NSFL1C: variants seen among roughly 807,000 people sequenced by gnomAD.
NSFL1C encodes the protein NSFL1 cofactor p47.
Under a neutral mutation model 43.1 loss-of-function variants are expected in NSFL1C, and 14 were observed. The observed-to-expected ratio is 0.32, with a 90% confidence interval of 0.21 to 0.51. The LOEUF (loss-of-function observed/expected upper bound fraction) is 0.51, where lower values mean the gene tolerates loss of function less well. NSFL1C is among the 20% of genes least tolerant of loss of function. The probability of loss-of-function intolerance (pLI) is 0.98; values close to 1 mark genes in which losing one functional copy is unlikely to be tolerated. For synonymous variants in NSFL1C, 171 were observed against 183.5 expected, an observed-to-expected ratio of 0.93 and a Z score of 0.55; for missense variants, 406 against 472.5, an observed-to-expected ratio of 0.86 and a Z score of 1.30.
chr20:1,443,794 C>T lies in NSFL1C; in HGVS notation c.1068G>A (p.Lys356=). The T allele has an allele frequency of 6.2e-7, 1 of 1,614,138 alleles. No individual in the cohort carries two copies. Among genetic ancestry groups the T allele is most frequent in the Non-Finnish European group, 8.5e-7 (1 of 1,180,028 alleles). The change falls in exon 9 of 9, where the codon AAG becomes AAA. Residue 356 remains lysine (K), a synonymous_variant. Coordinates refer to ENST00000216879, the MANE Select transcript of NSFL1C (RefSeq NM_016143.5). ...KELADESQTL[K]EANLLNAVIV... ...TGACAGCATTGAGCAGGTTGGCTTC[C>T]TTCAGGGTCTGGCTCTCATCAGCCA...
At chr20:1,449,247 T>C (rs1367587510) in intron 7 of NSFL1C, among the ~76,000 whole-genome samples, 2 of 152,004 alleles carry the variant, frequency 1.3e-5, no homozygotes, top group Non-Finnish European at 2.9e-5. Context: ...GACTAACTAA[T>C]TATATCATTC....
intron 6 of NSFL1C, among the ~76,000 whole-genome samples, 153 bp from the exon 7 acceptor site, chr20:1,452,783 A>G (rs766216277): frequency 2.9e-4 from 44 of 152,100 alleles, no homozygotes; most frequent in Non-Finnish European, 4.9e-4. Flanking sequence ...GTCTGCCTCC[A>G]CCTTTTCTCT....
intron 7 of NSFL1C, among the ~76,000 whole-genome samples, chr20:1,450,468 A>C (rs2122852843): frequency 6.6e-6 from 1 of 152,334 alleles, no homozygotes; most frequent in South Asian, 2.1e-4. Context: ...CTCATTCTCC[A>C]CATTAATATT....
rs761187507 is a variant in NSFL1C, at chr20:1,466,829, G to A, written c.-5C>T. On this transcript the variant is annotated 5_prime_UTR_variant, in exon 1 of 9. Transcript: ENST00000216879. ...CTCCTGTCGCTCCGCCGCCATCTTC[G>A]CCCCGTGCGCCTTCCAAAGCGCTCC... is the stretch of plus-strand genomic sequence containing the variant. 27 of 1,529,504 alleles carry A rather than the reference G, an allele frequency of 1.8e-5. No individual in the cohort carries two copies. The African/African-American group carries it at 2.6e-4, about 15-fold the overall frequency. 94.7% of individuals were successfully genotyped at this position (1,529,504 alleles called of 1,614,324 possible).
chr20:1,448,265 C>T (rs921729571), intron 7 of NSFL1C, among the ~76,000 whole-genome samples: 2 of 152,210 alleles, frequency 1.3e-5, no homozygotes, highest in East Asian at 1.9e-4. Context: ...ATGGCACAAG[C>T]TTTGGAGCTG....
At chr20:1,457,053 T>G (rs996461488) in intron 3 of NSFL1C, 2 of 152,246 alleles carry the variant, frequency 1.3e-5, no homozygotes, top group African/African-American at 4.8e-5. Context: ...TAAGACTTTT[T>G]CATTATACTA....
rs749208717 is a variant in NSFL1C, at chr20:1,453,138, A to C, written c.540T>G (p.Val180=). ...TCTTCCAGAGTTTCAATACTACATG[A>C]ACCTGTGATGACAGGGAGTAAACAG... The part of the protein sequence containing the change: ...GEKRQHSSQD[V]HVVLKLWKSG... The change falls in exon 6 of 9, where the codon GTT becomes GTG. Residue 180 remains valine (V), a splice_region_variant and synonymous_variant. Transcript: ENST00000216879. The C allele has an allele frequency of 6.4e-7, 1 of 1,565,940 alleles. No homozygotes were observed. Among genetic ancestry groups the C allele is most frequent in the East Asian group, 2.2e-5 (1 of 44,644 alleles).
intron 8 of NSFL1C, among the ~76,000 whole-genome samples, chr20:1,445,352 G>A (rs1403360680): frequency 1.3e-5 from 2 of 152,104 alleles, no homozygotes; most frequent in African/African-American, 4.8e-5. Flanking sequence ...TGTCTTCACA[G>A]GACTTTAGCA....
chr20:1,461,019 C>T (rs2090399343), intron 2 of NSFL1C, among the ~76,000 whole-genome samples: 1 of 152,160 alleles, frequency 6.6e-6, no homozygotes, highest in Non-Finnish European at 1.5e-5. Flanking sequence ...GTAACAGCAG[C>T]TGTAAGTTAC....
Position 1,454,232 on chromosome 20 carries a change from C to T in NSFL1C, c.518G>A (p.Arg173Lys). 6.2e-7 allele frequency: 1 copy of T among 1,613,292 alleles called. No individual in the cohort carries two copies. Among genetic ancestry groups the T allele is most frequent in the Non-Finnish European group, 8.5e-7 (1 of 1,179,974 alleles). ...EESAYVAGEK[R>K]QHSSQDVHVV... ...ACTCACATCTTGGCTGGAATGCTGC[C>T]TCTTTTCTCCTGCCACATAGGCAGA... Residue 173 changes from arginine to lysine, a missense_variant, in exon 5 of 9, where the codon AGG (arginine) becomes AAG (lysine). Arg to Lys is a conservative substitution (Grantham distance 26). This residue lies in a region of NSFL1C where 7 missense variants were observed against 28.2 expected (regional missense o/e 0.25). Transcript: ENST00000216879.
rs1190079829 is a variant in NSFL1C at position 1,443,603 on chromosome 20, A to G, written c.*146T>C. On this transcript the variant is annotated 3_prime_UTR_variant, in exon 9 of 9. Transcript: ENST00000216879. ...CAACTAAGGAGAAAACAAACGTCCAACCAAGATCTAAGAACCCAGAGCTAT... is the reference window on the plus strand; with the variant it reads ...CAACTAAGGAGAAAACAAACGTCCAGCCAAGATCTAAGAACCCAGAGCTAT... The G allele has an allele frequency of 5.7e-6, 4 of 695,964 alleles. No individual in the cohort carries two copies. The highest frequency in any genetic ancestry group is 5.3e-5 in the African/African-American group (3 of 56,288). 43.1% of individuals were successfully genotyped at this position (695,964 alleles called of 1,614,324 possible). A position where few individuals can be genotyped will look rare whatever the true frequency, so the allele number is the denominator to read the frequency against.
At chr20:1,449,987 G>A (rs115464540) in intron 7 of NSFL1C, among the ~76,000 whole-genome samples, 144 of 152,064 alleles carry the variant, frequency 9.5e-4, no homozygotes, top group African/African-American at 3.4e-3. Flanking sequence ...AAAATTCTCC[G>A]GTTTCTCTTC....
intron 7 of NSFL1C, among the ~76,000 whole-genome samples, chr20:1,449,902 T>G (rs2090149240): frequency 6.6e-6 from 1 of 152,154 alleles, no homozygotes; most frequent in Non-Finnish European, 1.5e-5. Flanking sequence ...CCAAGTGCAC[T>G]CTTGCTGTTT....
At chr20:1,462,590 C>T (rs2090434668) in intron 2 of NSFL1C, among the ~76,000 whole-genome samples, 1 of 151,380 alleles carries the variant, frequency 6.6e-6, no homozygotes, top group African/African-American at 2.4e-5. Flanking sequence ...GGCGCAATCT[C>T]GACTCACTGC....
In NSFL1C at chr20:1,462,775, G is replaced by A. The variant is rs9679863; in HGVS notation, c.203+1554C>T. Among the ~76,000 whole-genome samples the A allele has an allele frequency of 1.4e-3, 207 of 152,038 alleles. 1 individual carries two copies. Among genetic ancestry groups the A allele is most frequent in the African/African-American group, 4.8e-3 (198 of 41,458 alleles). On this transcript the variant is annotated intron_variant, in intron 2 of 8. Coordinates refer to ENST00000216879, the MANE Select transcript of NSFL1C (RefSeq NM_016143.5). ...CCTGACCTCGTGATCCACCAGTCTC[G>A]GCCTCCCAAAGTGCTGGGATTACAG...
chr20:1,463,032 T>C (rs1170526602), intron 2 of NSFL1C, among the ~76,000 whole-genome samples: 1 of 152,178 alleles, frequency 6.6e-6, no homozygotes, highest in African/African-American at 2.4e-5. Context: ...AATGAGGAAC[T>C]GAAACGTTAA....
chr20:1,455,329 C>T (rs1470178671), intron 3 of NSFL1C, among the ~76,000 whole-genome samples, 197 bp from the exon 4 acceptor site: 1 of 152,198 alleles, frequency 6.6e-6, no homozygotes, highest in Non-Finnish European at 1.5e-5. Flanking sequence ...AGTGAGGGAA[C>T]ACTGGGTGGG....
intron 1 of NSFL1C, 57 bp downstream of exon 1, chr20:1,466,663 G>C (rs1200688649): frequency 6.7e-7 from 1 of 1,482,246 alleles, no homozygotes; most frequent in South Asian, 1.2e-5. Context: ...TAAGGCACCA[G>C]GCGCCCGCTC....
In NSFL1C at chr20:1,450,004, T is replaced by C. The variant is rs115134223; in HGVS notation, c.785+2489A>G. Among the ~76,000 whole-genome samples the C allele has an allele frequency of 4.2e-3, 639 of 152,308 alleles. 3 individuals carry two copies. The highest frequency in any genetic ancestry group is 0.014 in the African/African-American group (579 of 41,566). ...AATTCTCCGGTTTCTCTTCAGATTGTATACATCTTTTGCCTTTTACTAAAA... is the reference window on the plus strand; with the variant it reads ...AATTCTCCGGTTTCTCTTCAGATTGCATACATCTTTTGCCTTTTACTAAAA... On this transcript the variant is annotated intron_variant, in intron 7 of 8. Transcript: ENST00000216879.
Sources: gnomAD v4.1 joint callset for allele counts (sites outside exome capture counted in the v4.1 genomes callset) on GRCh38, gnomAD v4.1.1 for gene constraint, gnomAD v4.1.1 regional missense constraint, MANE v1.5 for transcripts, NCBI Gene and HGNC (gene_info 2026-07-23, HGNC 2026-07-21) for gene names.